The following TSPAN13 variants were observed in gnomAD, a reference collection of about 807,000 sequenced individuals.
TSPAN13 encodes the protein tetraspanin-13.
A neutral mutation model predicts 26.9 loss-of-function variants in TSPAN13; 18 were observed. The observed-to-expected ratio is 0.67, with a 90% CI of 0.46 to 0.99. The LOEUF (loss-of-function observed/expected upper bound fraction) is 0.99. Among genes scored for constraint, TSPAN13 ranks in the 50% least tolerant of loss-of-function variants. TSPAN13 has a pLI of 0.00. For missense variants in TSPAN13, 201 were observed against 249.6 expected (o/e 0.81, Z 1.31); for synonymous variants, 116 against 98.4 (o/e 1.18, Z -1.06).
At chr7:16,766,684 C>T (rs1784607295) in intron 1 of TSPAN13, among the ~76,000 whole-genome samples, 2 of 152,098 alleles carry the variant, frequency 1.3e-5, no homozygotes, top group Admixed American at 6.5e-5. Context: ...ATCTGAGAGA[C>T]AAGTGAGAAT....
intron 1 of TSPAN13, among the ~76,000 whole-genome samples, chr7:16,775,167 A>C (rs540857693): frequency 1.3e-5 from 2 of 152,194 alleles, no homozygotes; most frequent in African/African-American, 4.8e-5. Context: ...TCATGATTGA[A>C]GATACTGTTT....
intron 1 of TSPAN13, among the ~76,000 whole-genome samples, chr7:16,771,844 A>G (rs1784683307): frequency 6.6e-6 from 1 of 152,326 alleles, no homozygotes; most frequent in Middle Eastern, 3.4e-3. Flanking sequence ...ACTGAAAACT[A>G]TATTGAAGAC....
intron 1 of TSPAN13, among the ~76,000 whole-genome samples, chr7:16,757,349 G>A (rs1447594849): frequency 6.6e-6 from 1 of 152,040 alleles, no homozygotes; most frequent in Admixed American, 6.5e-5. Flanking sequence ...TTGACAAGTA[G>A]TGAAAAAAAC....
intron 1 of TSPAN13, among the ~76,000 whole-genome samples, chr7:16,771,503 T>C (rs1784679271): frequency 6.6e-6 from 1 of 152,190 alleles, no homozygotes; most frequent in African/African-American, 2.4e-5. Context: ...ATCACACAGG[T>C]CCTTGGAAGA....
chr7:16,757,086 A>G (rs1459415520), intron 1 of TSPAN13, among the ~76,000 whole-genome samples: 1 of 152,178 alleles, frequency 6.6e-6, no homozygotes, highest in East Asian at 1.9e-4. Context: ...TCTAGATGAG[A>G]GACATGGAAT....
At position 16,776,300 on chromosome 7, in the gene TSPAN13, A is replaced by G; in HGVS notation, c.153A>G (p.Ala51=). The G allele has an allele frequency of 6.2e-7, 1 of 1,614,090 alleles. No homozygotes were observed. The highest frequency in any genetic ancestry group is 8.5e-7 in the Non-Finnish European group (1 of 1,180,026). The change falls in exon 2 of 6, where the codon GCA becomes GCG. Residue 51 remains alanine, a synonymous_variant. Coordinates refer to ENST00000262067, the MANE Select transcript of TSPAN13 (RefSeq NM_014399.4). ...TCCGAGTGGTCGGCGTGGTCATTGC[A>G]GTGGGCATCTTCTTGTTCCTGATTG... is the stretch of plus-strand genomic sequence containing the variant. The part of the protein sequence containing the change: ...SSLRVVGVVI[A]VGIFLFLIAL...
intron 1 of TSPAN13, among the ~76,000 whole-genome samples, chr7:16,765,178 C>G (rs1784591890): frequency 1.3e-5 from 2 of 152,134 alleles, no homozygotes; most frequent in African/African-American, 4.8e-5. Context: ...ACACAGCTCC[C>G]TGCAACCTTG....
At chr7:16,768,069 C>T (rs1017578670) in intron 1 of TSPAN13, among the ~76,000 whole-genome samples, 2 of 152,028 alleles carry the variant, frequency 1.3e-5, no homozygotes, top group Non-Finnish European at 2.9e-5. Flanking sequence ...GGTGCCACCA[C>T]GCCCAGCTAA....
chr7:16,766,844 T>G (rs550131944), intron 1 of TSPAN13, among the ~76,000 whole-genome samples: 1 of 152,332 alleles, frequency 6.6e-6, no homozygotes, highest in Non-Finnish European at 1.5e-5. Context: ...AGGCTAGTTT[T>G]AATTAGGAAA....
In TSPAN13 at chr7:16,783,520, A is replaced by G. The variant is rs1234961280; in HGVS notation, c.*29A>G. 5.6e-6 allele frequency: 9 copies of G among 1,596,976 alleles called. No individual in the cohort carries two copies. In the Admixed American group the frequency reaches 1.0e-4, roughly 18 times the overall value. On this transcript the variant is annotated 3_prime_UTR_variant, in exon 6 of 6. Coordinates refer to ENST00000262067, the MANE Select transcript of TSPAN13 (RefSeq NM_014399.4). ...GAAAACAAGGAAGATTTCCTTTCGT[A>G]TTATGATCTTGTTCACTTTCTGTAA...
Position 16,772,139 on chromosome 7 carries a change from C to T in TSPAN13, c.64-4072C>T, listed in dbSNP as rs77677697. Among the ~76,000 whole-genome samples the T allele has an allele frequency of 8.6e-3, 1,312 of 152,198 alleles. 9 individuals carry two copies. The highest frequency in any genetic ancestry group is 0.014 in the South Asian group (66 of 4,820). On this transcript the variant is annotated intron_variant, in intron 1 of 5. Coordinates refer to ENST00000262067, the MANE Select transcript of TSPAN13 (RefSeq NM_014399.4). ...CAACTGAGTGAGCATTGAAGAGTTT[C>T]CTCATTTTGCCGAAACGATGATGCA...
At chr7:16,754,324 C>A (rs1463615486) in intron 1 of TSPAN13, among the ~76,000 whole-genome samples, 1 of 152,206 alleles carries the variant, frequency 6.6e-6, no homozygotes, top group Admixed American at 6.5e-5. Context: ...GTTTTTCAAA[C>A]ATTCAACCGG....
chr7:16,761,690 A>ATTTTTTTTTTTTTTTTTTTTTTTTT, intron 1 of TSPAN13, among the ~76,000 whole-genome samples: 1 of 93,322 alleles, frequency 1.1e-5, no homozygotes, highest in Non-Finnish European at 2.0e-5. Flanking sequence ...CAGCTAATTA[A>ATTTTTTTTTTTTTTTTTTTTTTTTT]TTTTTTTTTT....
intron 1 of TSPAN13, among the ~76,000 whole-genome samples, chr7:16,772,888 G>A (rs920358180): frequency 1.3e-5 from 2 of 152,002 alleles, no homozygotes; most frequent in African/African-American, 2.4e-5. Context: ...CCCAGCTACT[G>A]GGAAGGCTGA....
At chr7:16,771,301 C>T (rs112535226) in intron 1 of TSPAN13, among the ~76,000 whole-genome samples, 395 of 152,328 alleles carry the variant, frequency 2.6e-3, no homozygotes, top group Non-Finnish European at 3.0e-3. Context: ...TGTGGTAGCT[C>T]AGTTGCCCAT....
Position 16,753,905 on chromosome 7 carries a change from C to T in TSPAN13, c.-63C>T. On this transcript the variant is annotated 5_prime_UTR_variant, in exon 1 of 6. Transcript: ENST00000262067. Reference sequence around the variant, plus strand: ...GGCCCCAAAGGCAAGGACAAAGCAGCTGTCAGGGAACCTCCGCCGGAGTCG... The same window carrying T: ...GGCCCCAAAGGCAAGGACAAAGCAGTTGTCAGGGAACCTCCGCCGGAGTCG... 1 of 1,535,730 alleles carries T rather than the reference C, an allele frequency of 6.5e-7. No homozygotes were observed. Among genetic ancestry groups the T allele is most frequent in the Non-Finnish European group, 8.9e-7 (1 of 1,123,260 alleles).
chr7:16,776,670 CT>C (rs1230131377), intron 2 of TSPAN13, among the ~76,000 whole-genome samples: 1 of 151,824 alleles, frequency 6.6e-6, no homozygotes, highest in African/African-American at 2.4e-5. Flanking sequence ...CTTCTAGGCC[CT>C]TTTTTACACA....
chr7:16,779,577 T>C (rs1166745109), intron 5 of TSPAN13, among the ~76,000 whole-genome samples: 1 of 152,028 alleles, frequency 6.6e-6, no homozygotes, highest in African/African-American at 2.4e-5. Context: ...TTCCTAGCCT[T>C]CTAAAACCTA....
At chr7:16,765,263 C>A (rs1353867888) in intron 1 of TSPAN13, among the ~76,000 whole-genome samples, 1 of 120,542 alleles carries the variant, frequency 8.3e-6, no homozygotes, top group African/African-American at 4.0e-5. Flanking sequence ...CTGCACCTGG[C>A]TAATTTTTTT....
Sources: gnomAD v4.1 joint callset for allele counts (sites outside exome capture counted in the v4.1 genomes callset) on GRCh38, gnomAD v4.1.1 for gene constraint, MANE v1.5 for transcripts, NCBI Gene and HGNC (gene_info 2026-07-23, HGNC 2026-07-21) for gene names.